Variants in FARSB observed in about 807,000 individuals in gnomAD.
FARSB encodes phenylalanyl-tRNA synthetase subunit beta, also known as phenylalanine--tRNA ligase beta subunit.
A neutral mutation model predicts 69.6 loss-of-function variants in FARSB; 40 were observed. That is an observed-to-expected ratio of 0.57 (90% CI 0.45 to 0.75). FARSB has a LOEUF of 0.75. Ranked by LOEUF, FARSB falls within the 30% of genes least tolerant of loss-of-function variation. The pLI is 0.00. For synonymous variants in FARSB, 235 were observed against 247.2 expected, an observed-to-expected ratio of 0.95 and a Z score of 0.46; for missense variants, 632 against 722.9, an observed-to-expected ratio of 0.87 and a Z score of 1.44.
At chr2:222,591,079 ACCTATAGTC>A (rs1411384303) in intron 16 of FARSB, among the ~76,000 whole-genome samples, 2 of 151,884 alleles carry the variant, frequency 1.3e-5, no homozygotes, top group Non-Finnish European at 2.9e-5. Context: ...GGTAGTGTGT[ACCTATAGTC>A]CTGGCTACCT....
At position 222,571,910 on chromosome 2, in the gene FARSB, G is replaced by C. The variant is rs1398044215; in HGVS notation, c.1731C>G (p.Pro577=). The change falls in exon 17 of 17, where the codon CCC becomes CCG. Residue 577 remains proline (P), a synonymous_variant. Transcript: ENST00000281828. ...DVITKFELTM[P]CSSLEINVGP... The stretch of plus-strand genomic sequence containing the variant: ...CAACATTGATTTCTAGGGAGGAGCA[G>C]GGCATGGTCAGCTCAAATTTGGTGA... 2 of 1,613,692 alleles carry C rather than the reference G, an allele frequency of 1.2e-6. No homozygotes were observed. Among genetic ancestry groups the C allele is most frequent in the Non-Finnish European group, 1.7e-6 (2 of 1,179,770 alleles).
At chr2:222,619,169 C>A (rs1188403265) in intron 14 of FARSB, among the ~76,000 whole-genome samples, 1 of 145,214 alleles carries the variant, frequency 6.9e-6, no homozygotes, top group Non-Finnish European at 1.5e-5. Context: ...AGCCAAGCAT[C>A]GTGGCATGCA....
chr2:222,607,414 T>C (rs1037728367), intron 15 of FARSB, among the ~76,000 whole-genome samples: 6 of 152,162 alleles, frequency 3.9e-5, no homozygotes, highest in African/African-American at 1.4e-4. Flanking sequence ...TTATAGTACA[T>C]TGATATGATG....
intron 16 of FARSB, among the ~76,000 whole-genome samples, chr2:222,579,423 A>G (rs899611088): frequency 6.6e-6 from 1 of 152,246 alleles, no homozygotes; most frequent in Non-Finnish European, 1.5e-5. Context: ...CAATACTGAC[A>G]AAACCTAGAG....
chr2:222,584,537 C>T (rs542695490), intron 16 of FARSB, among the ~76,000 whole-genome samples: 11 of 152,204 alleles, frequency 7.2e-5, no homozygotes, highest in Non-Finnish European at 1.5e-4. Context: ...CAAAGCAGGG[C>T]AGGGCATCTC....
chr2:222,644,961 TA>T (rs1163635177), intron 2 of FARSB, among the ~76,000 whole-genome samples: 1 of 145,072 alleles, frequency 6.9e-6, no homozygotes, highest in Admixed American at 6.9e-5. Context: ...GGAACTACTG[TA>T]AAAAAAGATC....
chr2:222,642,794 C>A lies in FARSB; in HGVS notation c.269+57G>T. On this transcript the variant is annotated intron_variant, in intron 3 of 16. Transcript: ENST00000281828. Reference sequence around the variant, plus strand: ...ATTTAAACATGGCTGCTGATAATGACAAGGAAAGAAAAGAAAACCCAACTT... The same window carrying A: ...ATTTAAACATGGCTGCTGATAATGAAAAGGAAAGAAAAGAAAACCCAACTT... 5.3e-6 allele frequency: 7 copies of A among 1,331,474 alleles called. No individual in the cohort carries two copies. In the South Asian group the frequency reaches 8.0e-5, roughly 15 times the overall value. The allele number at this position is 1,331,474 out of a possible 1,614,324, so 82.5% of individuals were successfully genotyped here.
At chr2:222,636,577 TA>T (rs1691587868) in intron 5 of FARSB, among the ~76,000 whole-genome samples, 1 of 151,848 alleles carries the variant, frequency 6.6e-6, no homozygotes, top group Non-Finnish European at 1.5e-5. Flanking sequence ...ATATATACAG[TA>T]AAAAGATTAA....
intron 15 of FARSB, among the ~76,000 whole-genome samples, chr2:222,604,722 A>ATTTTTTTTTTT (rs56201038): frequency 7.0e-4 from 78 of 110,686 alleles, no homozygotes; most frequent in East Asian, 7.9e-4. Flanking sequence ...TGCCCACTGA[A>ATTTTTTTTTTT]TTTTTTTTTT....
At chr2:222,579,696 T>C (rs1559188329) in intron 16 of FARSB, among the ~76,000 whole-genome samples, 1 of 152,040 alleles carries the variant, frequency 6.6e-6, no homozygotes, top group African/African-American at 2.4e-5. Flanking sequence ...ACTTAATATA[T>C]GAAAAAAATA....
rs1228006703 is a variant in FARSB at position 222,571,617 on chromosome 2, A to G, written c.*254T>C. Reference sequence around the variant, plus strand: ...TTCAGAACAGATCCTGCACTCTGCTAGTGCATTTCTCCAGCACTCCACGGG... The same window carrying G: ...TTCAGAACAGATCCTGCACTCTGCTGGTGCATTTCTCCAGCACTCCACGGG... On this transcript the variant is annotated 3_prime_UTR_variant, in exon 17 of 17. Transcript: ENST00000281828. 2 of 360,000 alleles carry G rather than the reference A, an allele frequency of 5.6e-6. No homozygotes were observed. The highest frequency in any genetic ancestry group is 4.2e-5 in the African/African-American group (2 of 47,218). 22.3% of individuals were successfully genotyped at this position (360,000 alleles called of 1,614,324 possible).
At chr2:222,572,465 A>G (rs749221076) in intron 16 of FARSB, among the ~76,000 whole-genome samples, 19 of 152,182 alleles carry the variant, frequency 1.2e-4, no homozygotes, top group Non-Finnish European at 2.4e-4. Context: ...TAAGACATCG[A>G]CACTGAATTC....
intron 15 of FARSB, among the ~76,000 whole-genome samples, chr2:222,602,501 T>G (rs917472953): frequency 6.6e-6 from 1 of 151,642 alleles, no homozygotes; most frequent in African/African-American, 2.4e-5. Context: ...GTCATACAGA[T>G]GAGTGGAACA....
chr2:222,589,567 T>C (rs1233188460), intron 16 of FARSB, among the ~76,000 whole-genome samples: 1 of 151,320 alleles, frequency 6.6e-6, no homozygotes. Flanking sequence ...ACCATCAGAG[T>C]GAACAGGCAA....
At chr2:222,636,919 C>T (rs1322286266) in intron 5 of FARSB, among the ~76,000 whole-genome samples, 1 of 152,128 alleles carries the variant, frequency 6.6e-6, no homozygotes, top group Non-Finnish European at 1.5e-5. Flanking sequence ...TCCATAGAAA[C>T]CAACGCTAAG....
intron 14 of FARSB, among the ~76,000 whole-genome samples, chr2:222,615,668 C>T (rs1690977906): frequency 6.6e-6 from 1 of 152,178 alleles, no homozygotes; most frequent in Non-Finnish European, 1.5e-5. Flanking sequence ...AGAGGTTTGC[C>T]CTGAACACCC....
intron 8 of FARSB, among the ~76,000 whole-genome samples, chr2:222,630,398 A>T (rs1401874262): frequency 7.2e-5 from 11 of 152,190 alleles, no homozygotes; most frequent in Admixed American, 7.2e-4. Context: ...GACTGAGACA[A>T]ATCGTTTCGT....
At chr2:222,606,181 A>C (rs1045420061) in intron 15 of FARSB, among the ~76,000 whole-genome samples, 2 of 152,062 alleles carry the variant, frequency 1.3e-5, no homozygotes, top group African/African-American at 4.8e-5. Context: ...CCCAAGGGTT[A>C]TTGCTCTCTC....
Position 222,570,212 on chromosome 2 carries a change from A to T in FARSB, c.*1659T>A, listed in dbSNP as rs989353093. 1.3e-5 allele frequency among the ~76,000 whole-genome samples: 2 copies of T among 152,206 alleles called. No homozygotes were observed. Among genetic ancestry groups the T allele is most frequent in the African/African-American group, 2.4e-5 (1 of 41,442 alleles). The stretch of plus-strand genomic sequence containing the variant: ...GTTTGCTCAACTCTTGCACATTTTT[A>T]AAAAACAGTTGTTTTATTTTTACTA... On this transcript the variant is annotated 3_prime_UTR_variant, in exon 17 of 17. Coordinates refer to ENST00000281828, the MANE Select transcript of FARSB (RefSeq NM_005687.5).
Sources: allele counts gnomAD v4.1 joint callset (sites outside exome capture counted in the v4.1 genomes callset), GRCh38; gene constraint gnomAD v4.1.1; transcripts MANE v1.5; gene names NCBI Gene and HGNC (gene_info 2026-07-23, HGNC 2026-07-21).